The following RAD51B variants were observed in gnomAD, a reference collection of about 807,000 sequenced individuals.
RAD51B encodes the protein DNA repair protein RAD51 homolog 2.
A neutral mutation model predicts 42.2 loss-of-function variants in RAD51B; 38 were observed. That is an observed-to-expected ratio of 0.90 (90% CI 0.70 to 1.18). RAD51B has a LOEUF of 1.18. Among genes scored for constraint, RAD51B ranks in the 50% most tolerant of loss-of-function variants. The pLI is 0.00. For missense variants in RAD51B, 373 were observed against 400.7 expected (o/e 0.93, Z 0.59); for synonymous variants, 154 against 145.2 (o/e 1.06, Z -0.43).
At chr14:68,540,578 G>A (rs1360128029) in intron 10 of RAD51B, 2 of 985,256 alleles carry the variant, frequency 2.0e-6, no homozygotes, top group Non-Finnish European at 2.4e-6. Context: ...GGCTTAGCGT[G>A]GTTCTAGGTG....
At chr14:68,530,988 G>T (rs1270471881) in intron 10 of RAD51B, among the ~76,000 whole-genome samples, 1 of 151,954 alleles carries the variant, frequency 6.6e-6, no homozygotes, top group East Asian at 1.9e-4. Flanking sequence ...GTTCAGGGAG[G>T]AGGATAAGAT....
chr14:68,332,311 ATG>A (rs2082366926), intron 8 of RAD51B, among the ~76,000 whole-genome samples: 1 of 151,560 alleles, frequency 6.6e-6, no homozygotes, highest in Admixed American at 6.6e-5. Flanking sequence ...ACACACACAC[ATG>A]TATATTATAC....
intron 7 of RAD51B, among the ~76,000 whole-genome samples, chr14:68,200,523 T>C (rs151275383): frequency 5.0e-4 from 76 of 152,336 alleles, no homozygotes; most frequent in Non-Finnish European, 9.7e-4. Flanking sequence ...AAATGTGTTC[T>C]CTTCTAACTT....
At chr14:67,964,622 CT>C (rs572527810) in intron 7 of RAD51B, among the ~76,000 whole-genome samples, 55 of 151,366 alleles carry the variant, frequency 3.6e-4, no homozygotes, top group Middle Eastern at 3.4e-3. Context: ...TTTTCTTTTT[CT>C]TTTTTTTTCC....
At chr14:67,992,376 C>T (rs899506428) in intron 7 of RAD51B, among the ~76,000 whole-genome samples, 1 of 152,088 alleles carries the variant, frequency 6.6e-6, no homozygotes, top group South Asian at 2.1e-4. Context: ...TTTGTCTGGT[C>T]CTTAAAGCTG....
chr14:68,144,009 A>G (rs1335232222), intron 7 of RAD51B, among the ~76,000 whole-genome samples: 3 of 151,044 alleles, frequency 2.0e-5, no homozygotes, highest in Non-Finnish European at 4.4e-5. Context: ...GGAAGATTTC[A>G]TTTATCTTAG....
At chr14:67,933,493 G>T (rs1403614803) in intron 7 of RAD51B, among the ~76,000 whole-genome samples, 1 of 152,182 alleles carries the variant, frequency 6.6e-6, no homozygotes, top group Non-Finnish European at 1.5e-5. Context: ...TGGGTCTCCA[G>T]ATCACCACCC....
At chr14:68,668,211 C>G (rs1218633218) in intron 11 of RAD51B, among the ~76,000 whole-genome samples, 2 of 152,228 alleles carry the variant, frequency 1.3e-5, no homozygotes, top group African/African-American at 4.8e-5. Flanking sequence ...TTCCTCGAAG[C>G]AGCCACATTC....
intron 7 of RAD51B, among the ~76,000 whole-genome samples, chr14:68,194,777 A>G (rs1307280031): frequency 6.6e-6 from 1 of 152,216 alleles, no homozygotes; most frequent in Non-Finnish European, 1.5e-5. Flanking sequence ...ATTTAGAAGT[A>G]CAAGGGGGAA....
intron 7 of RAD51B, among the ~76,000 whole-genome samples, chr14:67,898,712 T>C (rs1010603978): frequency 2.0e-5 from 3 of 152,242 alleles, no homozygotes; most frequent in Non-Finnish European, 2.9e-5. Context: ...GTTTTGTATA[T>C]GTCAAACAAA....
intron 7 of RAD51B, among the ~76,000 whole-genome samples, chr14:68,229,269 G>A (rs2080100793): frequency 2.0e-5 from 3 of 152,172 alleles, no homozygotes; most frequent in Admixed American, 2.0e-4. Flanking sequence ...AAGCTAACAT[G>A]TTTTTGATAG....
At chr14:67,953,525 T>C (rs1334383523) in intron 7 of RAD51B, among the ~76,000 whole-genome samples, 1 of 152,094 alleles carries the variant, frequency 6.6e-6, no homozygotes, top group African/African-American at 2.4e-5. Flanking sequence ...TGGTAGGAGC[T>C]AGTAGCTGTG....
chr14:68,112,082 T>C (rs2077469042), intron 7 of RAD51B, among the ~76,000 whole-genome samples: 1 of 152,094 alleles, frequency 6.6e-6, no homozygotes, highest in Non-Finnish European at 1.5e-5. Flanking sequence ...TACATGGAGT[T>C]ACCTTTAAAG....
chr14:68,441,786 T>C (rs2140162027), intron 9 of RAD51B, among the ~76,000 whole-genome samples: 1 of 152,306 alleles, frequency 6.6e-6, no homozygotes, highest in East Asian at 1.9e-4. Flanking sequence ...TTTCACTTTC[T>C]GGTTCTATGA....
intron 7 of RAD51B, among the ~76,000 whole-genome samples, chr14:68,068,983 A>G (rs926324201): frequency 5.4e-5 from 8 of 148,250 alleles, no homozygotes; most frequent in African/African-American, 2.0e-4. Context: ...GATTCTGACA[A>G]TTTTGCTGGT....
intron 9 of RAD51B, among the ~76,000 whole-genome samples, chr14:68,416,188 G>T (rs544780833): frequency 2.0e-5 from 3 of 152,184 alleles, no homozygotes; most frequent in Non-Finnish European, 4.4e-5. Flanking sequence ...CATCTTGGAA[G>T]TATTTCTTTG....
At chr14:68,327,952 C>A (rs956726238) in intron 8 of RAD51B, among the ~76,000 whole-genome samples, 3 of 152,138 alleles carry the variant, frequency 2.0e-5, no homozygotes. Context: ...GCAAGAAACC[C>A]TTTAAATCAC....
At chr14:67,971,089 A>T (rs2074889617) in intron 7 of RAD51B, among the ~76,000 whole-genome samples, 1 of 152,150 alleles carries the variant, frequency 6.6e-6, no homozygotes. Flanking sequence ...AACTCGTTCT[A>T]AGTATAACCT....
chr14:67,883,717 A>G (rs1334138202), intron 5 of RAD51B, among the ~76,000 whole-genome samples: 1 of 152,040 alleles, frequency 6.6e-6, no homozygotes, highest in Non-Finnish European at 1.5e-5. Flanking sequence ...TATATAATAT[A>G]TATTTATTTG....
Sources: gnomAD v4.1 joint callset for allele counts (sites outside exome capture counted in the v4.1 genomes callset) on GRCh38, gnomAD v4.1.1 for gene constraint, MANE v1.5 for transcripts, NCBI Gene and HGNC (gene_info 2026-07-23, HGNC 2026-07-21) for gene names.